The following GNG2 variants were observed in gnomAD, a reference collection of about 807,000 sequenced individuals.
GNG2 encodes the protein G protein subunit gamma 2.
In GNG2, 5 loss-of-function variants were observed where a neutral mutation model predicts 5.5. The observed-to-expected ratio is 0.91, with a 90% CI of 0.48 to 1.92. The LOEUF (loss-of-function observed/expected upper bound fraction) is 1.92. Among genes scored for constraint, GNG2 ranks in the 30% most tolerant of loss-of-function variants. The pLI is 0.01. For missense variants in GNG2, 55 were observed against 88.4 expected, an observed-to-expected ratio of 0.62 and a Z score of 1.52; for synonymous variants, 28 against 32.0, an observed-to-expected ratio of 0.88 and a Z score of 0.42.
intron 3 of GNG2, among the ~76,000 whole-genome samples, chr14:51,957,840 G>T (rs1224268205): frequency 6.6e-6 from 1 of 152,112 alleles, no homozygotes; most frequent in Non-Finnish European, 1.5e-5. Flanking sequence ...ATGTCACTCA[G>T]TTTGGGTTTT....
intron 2 of GNG2, among the ~76,000 whole-genome samples, chr14:51,835,269 A>G (rs1372517524): frequency 6.6e-6 from 1 of 152,246 alleles, no homozygotes; most frequent in African/African-American, 2.4e-5. Context: ...AAAGTAGGAG[A>G]TGAAGAGAAA....
intron 2 of GNG2, among the ~76,000 whole-genome samples, chr14:51,833,210 T>C (rs540099678): frequency 2.6e-5 from 4 of 152,318 alleles, no homozygotes; most frequent in East Asian, 3.9e-4. Context: ...AGGGAGTCAG[T>C]ACCAGTGAGA....
intron 2 of GNG2, among the ~76,000 whole-genome samples, chr14:51,890,874 A>T (rs1884798174): frequency 6.6e-6 from 1 of 152,358 alleles, no homozygotes. Context: ...CAAGTTTATT[A>T]ACATGTTTAT....
At chr14:51,850,576 ATT>A (rs1193988633) in intron 2 of GNG2, among the ~76,000 whole-genome samples, 22 of 152,220 alleles carry the variant, frequency 1.4e-4, no homozygotes, top group Admixed American at 1.4e-3. Flanking sequence ...TGTAGAGTCC[ATT>A]GTATTAGGCT....
At chr14:51,952,490 A>G (rs1594955120) in intron 3 of GNG2, among the ~76,000 whole-genome samples, 1 of 152,194 alleles carries the variant, frequency 6.6e-6, no homozygotes, top group South Asian at 2.1e-4. Context: ...AGGGTCATTC[A>G]GTTCTTTTTG....
chr14:51,865,325 C>T (rs960030329), intron 1 of GNG2, among the ~76,000 whole-genome samples: 2 of 152,056 alleles, frequency 1.3e-5, no homozygotes, highest in Admixed American at 1.3e-4. Flanking sequence ...AGTCTCCACC[C>T]TCCCACCCTC....
At chr14:51,941,627 C>T (rs1410437342) in intron 2 of GNG2, among the ~76,000 whole-genome samples, 1 of 152,154 alleles carries the variant, frequency 6.6e-6, no homozygotes, top group African/African-American at 2.4e-5. Flanking sequence ...ACACACTCTC[C>T]ACCCATTAAC....
chr14:51,939,962 C>G (rs1234224021), intron 2 of GNG2: 1 of 152,210 alleles, frequency 6.6e-6, no homozygotes, highest in East Asian at 1.9e-4. Context: ...GCCTCAATTT[C>G]CTTCAACAAG....
At chr14:51,961,384 G>A (rs1253646) in intron 3 of GNG2, among the ~76,000 whole-genome samples, 77,573 of 152,024 alleles carry the variant, frequency 0.51, 20,158 homozygotes, top group Non-Finnish European at 0.57. Flanking sequence ...AATATCTGTC[G>A]AAGAAGATTA....
intron 2 of GNG2, among the ~76,000 whole-genome samples, chr14:51,935,927 G>T (rs569704337): frequency 6.6e-6 from 1 of 152,110 alleles, no homozygotes; most frequent in Admixed American, 6.5e-5. Context: ...CAGAGTCATG[G>T]TTCAGTGGGT....
intron 2 of GNG2, among the ~76,000 whole-genome samples, chr14:51,879,462 C>G (rs938115629): frequency 6.6e-6 from 1 of 152,208 alleles, no homozygotes; most frequent in Non-Finnish European, 1.5e-5. Flanking sequence ...TTTTCTATGG[C>G]TGCTGTAACA....
intron 2 of GNG2, among the ~76,000 whole-genome samples, chr14:51,911,828 C>T (rs1886316490): frequency 6.8e-6 from 1 of 146,686 alleles, no homozygotes; most frequent in Admixed American, 6.8e-5. Flanking sequence ...GGATTACAGG[C>T]GTGAGCCACC....
At chr14:51,834,857 C>T (rs1387934668) in intron 2 of GNG2, among the ~76,000 whole-genome samples, 1 of 152,140 alleles carries the variant, frequency 6.6e-6, no homozygotes, top group East Asian at 1.9e-4. Flanking sequence ...TTTATTTGTG[C>T]TATATCCTGC....
chr14:51,847,871 GGTCCTT>G, intron 2 of GNG2, among the ~76,000 whole-genome samples: 1 of 124,412 alleles, frequency 8.0e-6, no homozygotes, highest in Admixed American at 9.9e-5. Flanking sequence ...TATGAATACA[GGTCCTT>G]TTTCTTTTTT....
In GNG2 at chr14:51,890,063, C is replaced by T. The variant is rs375185374; in HGVS notation, c.-30+12406C>T. Among the ~76,000 whole-genome samples the T allele has an allele frequency of 3.9e-5, 6 of 152,176 alleles. No individual in the cohort carries two copies. The South Asian group carries it at 6.2e-4, about 16-fold the overall frequency. Reference sequence around the variant, plus strand: ...ATAATCCTTGGAAAGGAAAAGAAGCCGGGAGATCAAAATGAGTAGTGATTC... The same window carrying T: ...ATAATCCTTGGAAAGGAAAAGAAGCTGGGAGATCAAAATGAGTAGTGATTC... On this transcript the variant is annotated intron_variant, in intron 2 of 3. Coordinates refer to ENST00000556766, the MANE Select transcript of GNG2 (RefSeq NM_053064.5).
chr14:51,952,031 C>G, intron 3 of GNG2: 1 of 621,724 alleles, frequency 1.6e-6, no homozygotes, highest in Non-Finnish European at 2.9e-6. Context: ...ATTCAGGCAT[C>G]AGTATTTTTT....
At chr14:51,903,647 T>TC (rs1402596526) in intron 2 of GNG2, among the ~76,000 whole-genome samples, 1 of 152,236 alleles carries the variant, frequency 6.6e-6, no homozygotes, top group East Asian at 1.9e-4. Flanking sequence ...CTGGAGTTTT[T>TC]CAATTCTCTT....
intron 2 of GNG2, among the ~76,000 whole-genome samples, chr14:51,908,250 A>C (rs930885725): frequency 6.6e-6 from 1 of 152,228 alleles, no homozygotes; most frequent in Admixed American, 6.5e-5. Flanking sequence ...TTCCCAGAGC[A>C]AGCGATCCAA....
At chr14:51,855,427 G>T (rs1302729487), upstream of GNG2, among the ~76,000 whole-genome samples, 1 of 152,190 alleles carries the variant, frequency 6.6e-6, no homozygotes, top group Admixed American at 6.5e-5. Flanking sequence ...TAACAGCTGG[G>T]CTTAGGCTCA....
Sources: gnomAD v4.1 joint callset for allele counts (sites outside exome capture counted in the v4.1 genomes callset) on GRCh38, gnomAD v4.1.1 for gene constraint, MANE v1.5 for transcripts, NCBI Gene and HGNC (gene_info 2026-07-23, HGNC 2026-07-21) for gene names.